The following LRRC37A variants were observed in gnomAD, a reference collection of about 807,000 sequenced individuals.
LRRC37A encodes the protein leucine-rich repeat-containing protein 37A.
In LRRC37A, 3 loss-of-function variants were observed where a neutral mutation model predicts 35.4. That is an observed-to-expected ratio of 0.08 (90% CI 0.04 to 0.22). LRRC37A has a LOEUF of 0.22. LRRC37A is among the 10% of genes least tolerant of loss of function. LRRC37A has a pLI of 1.00. For synonymous variants in LRRC37A, 23 were observed against 215.0 expected, an observed-to-expected ratio of 0.11 and a Z score of 7.81; for missense variants, 67 against 565.3, an observed-to-expected ratio of 0.12 and a Z score of 8.94.
chr17:46,273,739 A>G, the LRRC37A span, among the ~76,000 whole-genome samples: 3 of 152,266 alleles, frequency 2.0e-5, no homozygotes, highest in African/African-American at 7.2e-5. Flanking sequence ...AAGAACATGC[A>G]AAATACATCT....
At chr17:46,291,835 C>T (rs1157397979), upstream of LRRC37A, among the ~76,000 whole-genome samples, 1 of 151,958 alleles carries the variant, frequency 6.6e-6, no homozygotes, top group Non-Finnish European at 1.5e-5. Flanking sequence ...ATGGCACGCG[C>T]CTGTAGTCCC....
At chr17:46,290,214 C>T (rs2050029525), upstream of LRRC37A, among the ~76,000 whole-genome samples, 3 of 151,870 alleles carry the variant, frequency 2.0e-5, no homozygotes, top group South Asian at 6.2e-4. Context: ...ACTGCAGGGT[C>T]GACCTCCTGG....
chr17:46,258,747 C>G, the LRRC37A span, among the ~76,000 whole-genome samples: 1 of 124,118 alleles, frequency 8.1e-6, no homozygotes, highest in African/African-American at 3.1e-5. Context: ...TAGAGTCTCA[C>G]TTGGTCACCC....
At chr17:46,260,404 G>T in the LRRC37A span, 1 of 1,531,582 alleles carries the variant, frequency 6.5e-7, no homozygotes. Flanking sequence ...AGGATAGCTG[G>T]TGCTCATACA....
the LRRC37A span, among the ~76,000 whole-genome samples, chr17:46,252,423 G>C: frequency 1.4e-5 from 2 of 145,438 alleles, no homozygotes; most frequent in Admixed American, 1.4e-4. Context: ...TTCTCGCAGA[G>C]GGGGATTTGG....
chr17:46,304,860 C>CTTGT lies in LRRC37A; in HGVS notation c.2754-625_2754-622dup, dbSNP rs1295057613. 9.7e-4 allele frequency among the ~76,000 whole-genome samples: 58 copies of CTTGT among 59,852 alleles called. 3 individuals carry two copies. The highest frequency in any genetic ancestry group is 3.5e-3 in the South Asian group (4 of 1,128). The allele number at this position is 59,852 out of a possible 152,430, so 39.3% of individuals were successfully genotyped here. On this transcript the variant is annotated intron_variant, in intron 3 of 13. Transcript: ENST00000320254. ...ACTAAGAAGGTGTAGAAATGTGAGA[C>CTTGT]TTGTTTGTTTGTTTGTTTGTTTGTT...
At chr17:46,260,630 T>TTTC in the LRRC37A span, 1 of 1,249,554 alleles carries the variant, frequency 8.0e-7, no homozygotes, top group East Asian at 2.5e-5. Flanking sequence ...CTTTTTTTTT[T>TTTC]TTTTTTTTTT....
At chr17:46,287,883 A>C (rs1319724695), upstream of LRRC37A, among the ~76,000 whole-genome samples, 1 of 152,242 alleles carries the variant, frequency 6.6e-6, no homozygotes, top group African/African-American at 2.4e-5. Flanking sequence ...ATGACAAAAG[A>C]AAAAGTAAAT....
the LRRC37A span, chr17:46,267,492 A>G: frequency 0.16 from 251,830 of 1,601,488 alleles, 2 homozygotes; most frequent in Non-Finnish European, 0.18. Context: ...TCCAGCTGCA[A>G]TAAACCGTGT....
chr17:46,304,689 TA>T (rs2050454817), intron 3 of LRRC37A, among the ~76,000 whole-genome samples: 2 of 52,902 alleles, frequency 3.8e-5, no homozygotes, highest in African/African-American at 8.4e-5. Context: ...GAATTTCTAT[TA>T]ATATGATAGA....
chr17:46,321,571 T>TA (rs1394515296), intron 5 of LRRC37A, among the ~76,000 whole-genome samples: 1 of 26,722 alleles, frequency 3.7e-5, no homozygotes, highest in African/African-American at 9.7e-5. Flanking sequence ...TATTTTTTTT[T>TA]AACTGTGCAA....
At chr17:46,268,002 G>A in the LRRC37A span, among the ~76,000 whole-genome samples, 3 of 147,238 alleles carry the variant, frequency 2.0e-5, no homozygotes, top group Non-Finnish European at 3.0e-5. Flanking sequence ...CCAGGTTCAA[G>A]CCATTCTCCT....
chr17:46,259,019 A>ATTTTTTTTTTTTTTTTTTTTTTTTT, the LRRC37A span, among the ~76,000 whole-genome samples: 2 of 79,468 alleles, frequency 2.5e-5, no homozygotes, highest in Admixed American at 1.4e-4. Context: ...CACCCGGCCT[A>ATTTTTTTTTTTTTTTTTTTTTTTTT]TTTTTTTTTT....
At chr17:46,276,340 G>A in the LRRC37A span, among the ~76,000 whole-genome samples, 2 of 152,174 alleles carry the variant, frequency 1.3e-5, no homozygotes, top group East Asian at 1.9e-4. Context: ...ATTGTTTCAC[G>A]TGGCTGCTAG....
At chr17:46,311,324 G>T in intron 5 of LRRC37A, 1 of 328,874 alleles carries the variant, frequency 3.0e-6, no homozygotes, top group Non-Finnish European at 6.7e-6. Context: ...CAAGTACATC[G>T]CGCATAGTGG....
chr17:46,310,392 TC>T (rs1183323079), intron 5 of LRRC37A: 6 of 99,158 alleles, frequency 6.1e-5, no homozygotes, highest in African/African-American at 1.8e-4. Flanking sequence ...AGCTCTTAGT[TC>T]CCCTGTAATA....
chr17:46,317,152 C>T (rs1367522855), intron 5 of LRRC37A, among the ~76,000 whole-genome samples: 21 of 88,430 alleles, frequency 2.4e-4, no homozygotes, highest in Non-Finnish European at 5.0e-4. Flanking sequence ...GGGTGGCGGC[C>T]GGGCAGAGGC....
the LRRC37A span, among the ~76,000 whole-genome samples, chr17:46,270,273 G>A: frequency 6.6e-6 from 1 of 152,194 alleles, no homozygotes; most frequent in African/African-American, 2.4e-5. Context: ...CATCCAGGAC[G>A]GGACGCTAGG....
At chr17:46,270,752 C>T in the LRRC37A span, among the ~76,000 whole-genome samples, 3 of 152,250 alleles carry the variant, frequency 2.0e-5, no homozygotes, top group East Asian at 5.8e-4. Context: ...ACTAAAAATA[C>T]AAAAATTAGC....
Sources: allele counts gnomAD v4.1 joint callset (sites outside exome capture counted in the v4.1 genomes callset), GRCh38; gene constraint gnomAD v4.1.1; transcripts MANE v1.5; gene names NCBI Gene and HGNC (gene_info 2026-07-23, HGNC 2026-07-21).